The following TPO variants were observed in gnomAD, a reference collection of about 807,000 sequenced individuals.
The protein encoded by TPO is thyroid microsomal antigen.
Under a neutral mutation model 96.9 loss-of-function variants are expected in TPO, and 78 were observed. The observed-to-expected ratio is 0.81, with a 90% CI of 0.67 to 0.97. TPO has a LOEUF of 0.97. Ranked by LOEUF, TPO falls within the 50% of genes least tolerant of loss-of-function variation. TPO has a pLI of 0.00. For synonymous variants in TPO, 547 were observed against 538.0 expected (o/e 1.02, Z -0.23); for missense variants, 1,252 against 1,274.8 (o/e 0.98, Z 0.27).
At chr2:1,403,555 C>T (rs1319951862) in intron 1 of TPO, among the ~76,000 whole-genome samples, 3 of 152,280 alleles carry the variant, frequency 2.0e-5, no homozygotes, top group East Asian at 1.9e-4. Context: ...ATGCCATGCA[C>T]CGTGGGTGGG....
intron 15 of TPO, among the ~76,000 whole-genome samples, chr2:1,521,634 G>A (rs547904734): frequency 2.6e-5 from 4 of 152,142 alleles, no homozygotes; most frequent in African/African-American, 9.7e-5. Context: ...AGGGAAGTCC[G>A]AGAGAACTGG....
At chr2:1,441,118 G>C (rs1022325359) in intron 5 of TPO, among the ~76,000 whole-genome samples, 4 of 151,896 alleles carry the variant, frequency 2.6e-5, no homozygotes, top group Non-Finnish European at 4.4e-5. Context: ...TAAATGAATG[G>C]AGCAGGCTCC....
rs146916572 is a variant in TPO at position 1,515,380 on chromosome 2, C to T, written c.2519-1503C>T. Among the ~76,000 whole-genome samples the T allele has an allele frequency of 1.1e-3, 161 of 152,266 alleles. No individual in the cohort carries two copies. In the East Asian group the frequency reaches 0.025, roughly 24 times the overall value. Reference sequence around the variant, plus strand: ...TCAGGTTGCCCTGCAGACTCCCCTGCGTCTGTGAAAGGTGGCAGGAAGGAG... The same window carrying T: ...TCAGGTTGCCCTGCAGACTCCCCTGTGTCTGTGAAAGGTGGCAGGAAGGAG... On this transcript the variant is annotated intron_variant, in intron 14 of 16. Transcript: ENST00000329066.
At chr2:1,416,295 T>C (rs1326065852) in intron 2 of TPO, among the ~76,000 whole-genome samples, 6 of 152,258 alleles carry the variant, frequency 3.9e-5, no homozygotes, top group African/African-American at 1.4e-4. Context: ...GCCAATGGTT[T>C]GTAAATTAAT....
chr2:1,398,309 C>T (rs190639121), intron 1 of TPO, among the ~76,000 whole-genome samples: 191 of 152,316 alleles, frequency 1.3e-3, no homozygotes, highest in Non-Finnish European at 1.8e-3. Context: ...CTGACTGCCG[C>T]GCTGCCCACA....
intron 1 of TPO, among the ~76,000 whole-genome samples, chr2:1,375,588 C>T (rs7587845): frequency 3.3e-5 from 5 of 151,902 alleles, no homozygotes; most frequent in African/African-American, 4.8e-5. Context: ...GTTTTACACA[C>T]GATAAGGTAA....
chr2:1,400,934 T>A (rs529260997), intron 1 of TPO, among the ~76,000 whole-genome samples: 1 of 152,338 alleles, frequency 6.6e-6, no homozygotes, highest in African/African-American at 2.4e-5. Flanking sequence ...GCAATACAAG[T>A]AAAAAGGACA....
chr2:1,452,651 A>G (rs1483588966), intron 5 of TPO, among the ~76,000 whole-genome samples: 1 of 152,238 alleles, frequency 6.6e-6, no homozygotes, highest in Non-Finnish European at 1.5e-5. Context: ...AAGAAAATGA[A>G]CATGTAATGA....
rs375340041 is a variant in TPO at position 1,382,293 on chromosome 2, TC to T, written n.180+7893del. Among the ~76,000 whole-genome samples the T allele has an allele frequency of 1.8e-4, 28 of 152,228 alleles. No individual in the cohort carries two copies. In the East Asian group the frequency reaches 5.0e-3, roughly 27 times the overall value. On this transcript the variant is annotated intron_variant and non_coding_transcript_variant, in intron 1 of 5. Coordinates refer to the TPO transcript ENST00000497517. ...ACACAGATATTCCTGGCTGGGCAGC[TC>T]CACACAGTTGCTCTTTTCCAAGAGG...
intron 3 of TPO, among the ~76,000 whole-genome samples, chr2:1,429,690 G>A (rs1045381076): frequency 6.6e-5 from 10 of 152,164 alleles, no homozygotes; most frequent in South Asian, 2.1e-4. Context: ...GGTAGAGGCC[G>A]CCTGTGCTAT....
chr2:1,539,072 T>A (rs1022759241), intron 15 of TPO, among the ~76,000 whole-genome samples: 1 of 152,108 alleles, frequency 6.6e-6, no homozygotes, highest in Non-Finnish European at 1.5e-5. Context: ...CCCTAACTAA[T>A]TACATCTGAA....
intron 8 of TPO, among the ~76,000 whole-genome samples, chr2:1,482,649 CAG>C (rs1670757535): frequency 6.6e-6 from 1 of 152,154 alleles, no homozygotes. Context: ...ATGAAAATTC[CAG>C]AGAGCTGTTT....
intron 7 of TPO, among the ~76,000 whole-genome samples, chr2:1,476,062 T>C (rs1025592177): frequency 6.6e-6 from 1 of 152,232 alleles, no homozygotes; most frequent in Non-Finnish European, 1.5e-5. Flanking sequence ...CTGGCCGCAT[T>C]TCCCTAATGC....
chr2:1,423,833 T>G (rs1664040315), intron 3 of TPO, among the ~76,000 whole-genome samples: 1 of 152,236 alleles, frequency 6.6e-6, no homozygotes. Context: ...ATTATTTATT[T>G]TCTAAAAATT....
chr2:1,408,421 C>T (rs1662277441), intron 1 of TPO, among the ~76,000 whole-genome samples: 2 of 152,316 alleles, frequency 1.3e-5, no homozygotes, highest in South Asian at 4.2e-4. Flanking sequence ...CCTCACCCAG[C>T]CTTGGAAGCA....
In TPO at chr2:1,493,884, C is replaced by T. The variant is rs368276909; in HGVS notation, c.1851C>T (p.Ser617=). Residue 617 remains serine (S), a synonymous_variant, in exon 11 of 17, where the codon AGC becomes AGT. Transcript: ENST00000329066. The stretch of plus-strand genomic sequence containing the variant: ...TGAGCACAGCCATCGCCAGCAGGAG[C>T]GTGGCCGACAAGATCCTGGACTTGT... ...ADLSTAIASR[S]VADKILDLYK... 3.3e-5 allele frequency: 53 copies of T among 1,614,086 alleles called. No individual in the cohort carries two copies. The highest frequency in any genetic ancestry group is 4.2e-5 in the Non-Finnish European group (49 of 1,180,048).
At chr2:1,507,259 C>G (rs1218413932) in intron 14 of TPO, among the ~76,000 whole-genome samples, 1 of 152,116 alleles carries the variant, frequency 6.6e-6, no homozygotes, top group African/African-American at 2.4e-5. Flanking sequence ...GTTTTGGTAC[C>G]AGTACCATGC....
At chr2:1,478,870 C>T (rs978368095) in intron 8 of TPO, among the ~76,000 whole-genome samples, 3 of 150,620 alleles carry the variant, frequency 2.0e-5, no homozygotes, top group African/African-American at 5.0e-5. Context: ...ACACAGAAGA[C>T]GAGCTCACTG....
At chr2:1,522,048 C>G (rs1033127858) in intron 15 of TPO, among the ~76,000 whole-genome samples, 4 of 152,016 alleles carry the variant, frequency 2.6e-5, no homozygotes, top group African/African-American at 9.7e-5. Context: ...ATGTGCCTTC[C>G]TCCCTCTCCT....
Sources: gnomAD v4.1 joint callset for allele counts (sites outside exome capture counted in the v4.1 genomes callset) on GRCh38, gnomAD v4.1.1 for gene constraint, MANE v1.5 for transcripts, NCBI Gene and HGNC (gene_info 2026-07-23, HGNC 2026-07-21) for gene names.